Variants in RSU1 observed in about 807,000 individuals in gnomAD.
The protein encoded by RSU1 is Ras suppressor protein 1.
In RSU1, 26 loss-of-function variants were observed where a neutral mutation model predicts 31.1. The ratio of observed to expected loss-of-function variants is 0.84; its 90% CI spans 0.61 to 1.16. The LOEUF is 1.16. Among genes scored for constraint, RSU1 ranks in the 50% most tolerant of loss-of-function variants. The pLI, the probability that RSU1 is intolerant of heterozygous loss-of-function variation, is 0.00. For synonymous variants in RSU1, 164 were observed against 136.3 expected, an observed-to-expected ratio of 1.20 and a Z score of -1.41; for missense variants, 320 against 339.1, an observed-to-expected ratio of 0.94 and a Z score of 0.44.
At chr10:16,798,929 C>A (rs1212787470) in intron 2 of RSU1, among the ~76,000 whole-genome samples, 1 of 152,172 alleles carries the variant, frequency 6.6e-6, no homozygotes, top group South Asian at 2.1e-4. Flanking sequence ...AAAAAGAACA[C>A]AAATTTTTAT....
chr10:16,639,253 C>A (rs1834399106), intron 8 of RSU1, among the ~76,000 whole-genome samples: 1 of 152,146 alleles, frequency 6.6e-6, no homozygotes. Context: ...CGTATTAATC[C>A]ATAAAGCTGA....
At chr10:16,630,721 T>C (rs188597917) in intron 8 of RSU1, among the ~76,000 whole-genome samples, 107 of 152,326 alleles carry the variant, frequency 7.0e-4, no homozygotes, top group Non-Finnish European at 1.4e-3. Context: ...AAAATATTTC[T>C]TCCTGGGTGG....
At chr10:16,597,235 C>T (rs796753450) in intron 8 of RSU1, among the ~76,000 whole-genome samples, 12 of 152,276 alleles carry the variant, frequency 7.9e-5, no homozygotes, top group African/African-American at 2.2e-4. Flanking sequence ...TTGGCCCTGA[C>T]GATGGGGATC....
At chr10:16,806,006 G>C (rs1247139872) in intron 2 of RSU1, among the ~76,000 whole-genome samples, 1 of 152,224 alleles carries the variant, frequency 6.6e-6, no homozygotes, top group African/African-American at 2.4e-5. Context: ...AGGAGCACCA[G>C]CTCCCAACCT....
At chr10:16,612,887 C>G (rs1053248110) in intron 8 of RSU1, among the ~76,000 whole-genome samples, 1 of 151,620 alleles carries the variant, frequency 6.6e-6, no homozygotes, top group Admixed American at 6.6e-5. Flanking sequence ...AGGCAACCTT[C>G]CCCCCTCCTC....
At chr10:16,737,134 T>C (rs1397217635) in intron 7 of RSU1, among the ~76,000 whole-genome samples, 1 of 151,712 alleles carries the variant, frequency 6.6e-6, no homozygotes, top group Non-Finnish European at 1.5e-5. Context: ...ATGTAAGTTC[T>C]AGGAGAGGAG....
chr10:16,635,228 T>A (rs1834326381), intron 8 of RSU1, among the ~76,000 whole-genome samples: 1 of 152,252 alleles, frequency 6.6e-6, no homozygotes, highest in African/African-American at 2.4e-5. Flanking sequence ...GATGCAGCAA[T>A]GAGAAGAGAA....
intron 8 of RSU1, among the ~76,000 whole-genome samples, chr10:16,597,491 A>T (rs1423144435): frequency 2.0e-5 from 3 of 152,170 alleles, no homozygotes; most frequent in Non-Finnish European, 2.9e-5. Flanking sequence ...GCAAATGATC[A>T]GCAATGTTTG....
chr10:16,596,150 C>T lies in RSU1; in HGVS notation c.732-2654G>A, dbSNP rs186130498. ...GATAGGGAGTAAAGTTCAGCGGGTC[C>T]AACCTTGTCTCTGTTGCTGCCCCCA... is the stretch of plus-strand genomic sequence containing the variant. On this transcript the variant is annotated intron_variant, in intron 8 of 8. Coordinates refer to ENST00000345264, the MANE Select transcript of RSU1 (RefSeq NM_012425.4). Among the ~76,000 whole-genome samples the T allele has an allele frequency of 4.6e-4, 70 of 152,194 alleles. 1 individual carries two copies. The East Asian group carries it at 8.7e-3, about 19-fold the overall frequency.
intron 8 of RSU1, among the ~76,000 whole-genome samples, chr10:16,649,043 T>G (rs1367397229): frequency 6.6e-6 from 1 of 152,202 alleles, no homozygotes; most frequent in African/African-American, 2.4e-5. Flanking sequence ...AAAATCCATT[T>G]AACTATTTCC....
intron 2 of RSU1, among the ~76,000 whole-genome samples, chr10:16,791,635 CA>C (rs553951655): frequency 0.015 from 1,509 of 98,448 alleles, 7 homozygotes; most frequent in African/African-American, 0.026. Context: ...CTCAAAAAAA[CA>C]AAAAAAAAAA....
chr10:16,778,984 C>T (rs1312305245), intron 3 of RSU1, among the ~76,000 whole-genome samples: 3 of 152,222 alleles, frequency 2.0e-5, no homozygotes, highest in Admixed American at 6.5e-5. Context: ...GATGGCTTTG[C>T]ATTCTGACTT....
intron 4 of RSU1, among the ~76,000 whole-genome samples, chr10:16,756,183 G>A (rs1837081305): frequency 1.3e-5 from 2 of 152,260 alleles, no homozygotes; most frequent in South Asian, 4.1e-4. Context: ...AGGGGCTGGA[G>A]GGAGGGGGAA....
At chr10:16,767,402 C>T (rs1195680065) in intron 3 of RSU1, 2 of 152,186 alleles carry the variant, frequency 1.3e-5, no homozygotes, top group African/African-American at 4.8e-5. Context: ...CTTGCTAAAT[C>T]AGTCCAATTT....
intron 8 of RSU1, among the ~76,000 whole-genome samples, chr10:16,613,982 A>T (rs1396335165): frequency 6.6e-6 from 1 of 152,150 alleles, no homozygotes; most frequent in Non-Finnish European, 1.5e-5. Context: ...ACTGGGTCGG[A>T]TTCAGGGGTA....
intron 2 of RSU1, among the ~76,000 whole-genome samples, chr10:16,805,483 A>G (rs1838246898): frequency 1.3e-5 from 2 of 151,856 alleles, no homozygotes; most frequent in Non-Finnish European, 2.9e-5. Flanking sequence ...CATCCTGGCT[A>G]ACACGGTGAA....
chr10:16,738,423 C>T (rs1242319647), intron 7 of RSU1, among the ~76,000 whole-genome samples: 1 of 152,082 alleles, frequency 6.6e-6, no homozygotes, highest in Non-Finnish European at 1.5e-5. Flanking sequence ...TGGACTCTGG[C>T]CTGTGTGAAA....
At chr10:16,628,447 A>G (rs1051421585) in intron 8 of RSU1, among the ~76,000 whole-genome samples, 1 of 152,118 alleles carries the variant, frequency 6.6e-6, no homozygotes, top group African/African-American at 2.4e-5. Flanking sequence ...ATTTCTTTCG[A>G]TATAAATCTT....
intron 7 of RSU1, among the ~76,000 whole-genome samples, chr10:16,732,018 A>G (rs1435416479): frequency 6.6e-6 from 1 of 152,188 alleles, no homozygotes; most frequent in Non-Finnish European, 1.5e-5. Flanking sequence ...ATAAACTCTG[A>G]GAACCAACTG....
Sources: gnomAD v4.1 joint callset for allele counts (sites outside exome capture counted in the v4.1 genomes callset) on GRCh38, gnomAD v4.1.1 for gene constraint, MANE v1.5 for transcripts, NCBI Gene and HGNC (gene_info 2026-07-23, HGNC 2026-07-21) for gene names.